The following CCDC188 variants were observed in gnomAD, a reference collection of about 807,000 sequenced individuals.
The protein encoded by CCDC188 is coiled-coil domain containing 188.
Under a neutral mutation model 50.7 loss-of-function variants are expected in CCDC188, and 37 were observed. The ratio of observed to expected loss-of-function variants is 0.73; its 90% CI spans 0.56 to 0.96. CCDC188 has a LOEUF of 0.96. Ranked by LOEUF, CCDC188 falls within the 40% of genes least tolerant of loss-of-function variation. CCDC188 has a pLI of 0.00. For synonymous variants in CCDC188, 208 were observed against 228.0 expected, an observed-to-expected ratio of 0.91 and a Z score of 0.79; for missense variants, 453 against 512.9, an observed-to-expected ratio of 0.88 and a Z score of 1.13.
Position 20,148,914 on chromosome 22 carries a change from G to A in CCDC188, c.983C>T (p.Pro328Leu). 6.6e-7 allele frequency: 1 copy of A among 1,514,178 alleles called. No individual in the cohort carries two copies. Among genetic ancestry groups the A allele is most frequent in the South Asian group, 1.3e-5 (1 of 79,704 alleles). 93.8% of individuals were successfully genotyped at this position (1,514,178 alleles called of 1,614,324 possible). The part of the protein sequence containing the change: ...KQMASMSKGR[P>L]KLGSSKGLAG... ...CAGGCCCTTGGAGCTTCCCAGCTTT[G>A]GCCTCCCTTTCTGTCGGGGAGGGGC... Residue 328 changes from proline (P) to leucine (L), a missense_variant, in exon 8 of 9, where the codon CCA becomes CTA. Coordinates refer to ENST00000439765, the MANE Select transcript of CCDC188 (RefSeq NM_001365892.2).
rs889767560 is a variant in CCDC188, at chr22:20,148,430, T to A, written c.*184A>T. On this transcript the variant is annotated 3_prime_UTR_variant, in exon 9 of 9. Transcript: ENST00000439765. ...CAGAGACGTGCTCACCGGCCACTTA[T>A]GTCATGATTCTATGTCCAGCCACAG... 7.8e-7 allele frequency: 1 copy of A among 1,288,960 alleles called. No homozygotes were observed. Among genetic ancestry groups the A allele is most frequent in the South Asian group, 2.4e-5 (1 of 41,452 alleles). 79.8% of individuals were successfully genotyped at this position (1,288,960 alleles called of 1,614,324 possible).
chr22:20,150,376 G>T (rs1160943896), intron 1 of CCDC188, 92 bp downstream of exon 1: 28 of 1,095,070 alleles, frequency 2.6e-5, no homozygotes, highest in Admixed American at 1.4e-4. Context: ...GGGCAGGGGC[G>T]CCAGGTGGTG....
At position 20,150,179 on chromosome 22, in the gene CCDC188, C is replaced by T; in HGVS notation, c.591G>A (p.Leu197=). The T allele has an allele frequency of 2.6e-6, 4 of 1,548,528 alleles. No individual in the cohort carries two copies. Among genetic ancestry groups the T allele is most frequent in the South Asian group, 1.2e-5 (1 of 83,940 alleles). The part of the protein sequence containing the change: ...LLGPGQQFLP[L]CPEHSSCTAL... ...CAGTGCAGCTTGAGTGTTCGGGACA[C>T]AGGGGCAGGAACTGCTGCCCCGGCC... The change falls in exon 2 of 9, where the codon CTG becomes CTA. Residue 197 remains leucine, a synonymous_variant. Transcript: ENST00000439765.
In CCDC188 at chr22:20,149,629, G is replaced by C. The variant is rs1406846973; in HGVS notation, c.801C>G (p.Asn267Lys). 5.8e-6 allele frequency: 9 copies of C among 1,550,084 alleles called. No individual in the cohort carries two copies. Among genetic ancestry groups the C allele is most frequent in the Non-Finnish European group, 6.1e-6 (7 of 1,146,870 alleles). The part of the protein sequence containing the change: ...KKMVITEVWD[N>K]VAEMHMALNN... ...TCAGGGCCATGTGCATCTCAGCCACGTTGTCCCACACCTAGGGGGAGGTGG... is the reference window on the plus strand; with the variant it reads ...TCAGGGCCATGTGCATCTCAGCCACCTTGTCCCACACCTAGGGGGAGGTGG... Residue 267 changes from asparagine (N) to lysine (K), a missense_variant, in exon 5 of 9, where the codon AAC (asparagine) becomes AAG (lysine). Transcript: ENST00000439765.
In CCDC188 at chr22:20,149,205, C is replaced by T. The variant is rs1188443648; in HGVS notation, c.954G>A (p.Lys318=). 3 of 1,470,090 alleles carry T rather than the reference C, an allele frequency of 2.0e-6. No homozygotes were observed. Among genetic ancestry groups the T allele is most frequent in the East Asian group, 2.5e-5 (1 of 40,184 alleles). 91.1% of individuals were successfully genotyped at this position (1,470,090 alleles called of 1,614,324 possible). Residue 318 remains lysine, a synonymous_variant, in exon 7 of 9, where the codon AAG becomes AAA. Transcript: ENST00000439765. ...AQCRTRARKE[K]QMASMSKGRP... Reference sequence around the variant, plus strand: ...GGCTCACCGACATGCTTGCCATCTGCTTCTCCTTCCTGGCTCGAGTGCGGC... The same window carrying T: ...GGCTCACCGACATGCTTGCCATCTGTTTCTCCTTCCTGGCTCGAGTGCGGC...
In CCDC188 at chr22:20,150,509, C is replaced by A; in HGVS notation, c.478G>T (p.Glu160Ter). The A allele has an allele frequency of 1.3e-6, 2 of 1,548,762 alleles. No homozygotes were observed. The highest frequency in any genetic ancestry group is 1.7e-6 in the Non-Finnish European group (2 of 1,146,692). Residue 160 changes from glutamate (E) to a stop codon, truncating the protein, a stop_gained, in exon 1 of 9, where the codon GAA becomes TAA. Transcript: ENST00000439765. LOFTEE classifies it high-confidence loss of function. The part of the protein sequence containing the change: ...QLQCGLLGSA[E>*]QSFLQLEQEN... ...TGCTCCAGCTGCAGGAAGGACTGTT[C>A]TGCAGAGCCCAGCAGCCCGCACTGA...
chr22:20,149,552 C>T (rs979755794), intron 5 of CCDC188, 29 bp downstream of exon 5: 6 of 1,550,158 alleles, frequency 3.9e-6, no homozygotes. Flanking sequence ...GGGCCCCGTC[C>T]TTCTGGGTGC....
In CCDC188 at chr22:20,150,663, G is replaced by C; in HGVS notation, c.324C>G (p.His108Gln). The change falls in exon 1 of 9, where the codon CAC becomes CAG. Residue 108 changes from histidine (H) to glutamine (Q), a missense_variant. Transcript: ENST00000439765. ...TGGGAGCCCCCTGGTTCGACCCTGG[G>C]TGCAGGGGCCAGCCCCACCCAAGCC... is the stretch of plus-strand genomic sequence containing the variant. The part of the protein sequence containing the change: ...EAGLGWGWPL[H>Q]PGSNQGAPRQ... 6.5e-7 allele frequency: 1 copy of C among 1,548,138 alleles called. No homozygotes were observed. Among genetic ancestry groups the C allele is most frequent in the Admixed American group, 2.0e-5 (1 of 50,894 alleles).
At chr22:20,148,972 A>G in intron 7 of CCDC188, 48 bp from the exon 8 acceptor site, 13 of 1,443,856 alleles carry the variant, frequency 9.0e-6, no homozygotes, top group Non-Finnish European at 9.1e-6. Flanking sequence ...GTCCAGGCTG[A>G]GGGCAGGGAT....
intron 7 of CCDC188, 25 bp from the exon 8 acceptor site, chr22:20,148,949 G>C: frequency 6.8e-7 from 1 of 1,472,942 alleles, no homozygotes; most frequent in Non-Finnish European, 9.0e-7. Context: ...CTGGATCAGA[G>C]CCCACCCCGA....
At chr22:20,149,311 G>T in intron 6 of CCDC188, 67 bp from the exon 7 acceptor site, 2 of 1,542,588 alleles carry the variant, frequency 1.3e-6, no homozygotes, top group South Asian at 2.4e-5. Context: ...CCCCTGGCTC[G>T]GTGCTGTGGA....
intron 1 of CCDC188, 89 bp downstream of exon 1, chr22:20,150,379 A>C: frequency 1.4e-6 from 1 of 690,326 alleles, no homozygotes; most frequent in Non-Finnish European, 1.9e-6. Flanking sequence ...CAGGGGCGCC[A>C]GGTGGTGGGT....
rs543717593 is a variant in CCDC188, at chr22:20,148,755, G to A, written c.1068C>T (p.Thr356=). The A allele has an allele frequency of 5.4e-6, 8 of 1,487,968 alleles. No individual in the cohort carries two copies. In the African/African-American group the frequency reaches 5.7e-5, roughly 11 times the overall value. 92.2% of individuals were successfully genotyped at this position (1,487,968 alleles called of 1,614,324 possible). The change falls in exon 9 of 9, where the codon ACC becomes ACT. Residue 356 remains threonine, a synonymous_variant. Coordinates refer to ENST00000439765, the MANE Select transcript of CCDC188 (RefSeq NM_001365892.2). The stretch of plus-strand genomic sequence containing the variant: ...GGTTCACCACGTACACGTAGGCAGC[G>A]GTCCAGACCAGCAGGGCGCCCAGCA... ...RLLLGALLVW[T]AAYVYVVNPT...
rs1209909817 is a variant in CCDC188, at chr22:20,148,746, G to C, written c.1077C>G (p.Tyr359Ter). The C allele has an allele frequency of 6.7e-7, 1 of 1,499,006 alleles. No homozygotes were observed. The highest frequency in any genetic ancestry group is 1.4e-5 in the African/African-American group (1 of 70,940). The allele number at this position is 1,499,006 out of a possible 1,614,324, so 92.9% of individuals were successfully genotyped here. A position where few individuals can be genotyped will look rare whatever the true frequency, so the allele number is the denominator to read the frequency against. ...AAGGTGTGGGGTTCACCACGTACAC[G>C]TAGGCAGCGGTCCAGACCAGCAGGG... ...LGALLVWTAA[Y>*]VYVVNPTPFE... Residue 359 changes from tyrosine to a stop codon, truncating the protein, a stop_gained, in exon 9 of 9, where the codon TAC (tyrosine) becomes TAG (stop). Transcript: ENST00000439765. LOFTEE classifies it high-confidence loss of function.
rs1255323263 is a variant in CCDC188 at position 20,149,237 on chromosome 22, C to T, written c.922G>A (p.Ala308Thr). ...DIQLEILRER[A>T]QCRTRARKEK... The stretch of plus-strand genomic sequence containing the variant: ...TTCCTGGCTCGAGTGCGGCACTGGG[C>T]CCGCTCCCTGCGGGGGCCTCACTGT... Residue 308 changes from alanine to threonine, a missense_variant, in exon 7 of 9, where the codon GCC (alanine) becomes ACC (threonine). By Grantham distance (58) the Ala-to-Thr change is moderately conservative. Transcript: ENST00000439765. 2 of 1,491,750 alleles carry T rather than the reference C, an allele frequency of 1.3e-6. No homozygotes were observed. The highest frequency in any genetic ancestry group is 1.4e-5 in the South Asian group (1 of 73,948). The allele number at this position is 1,491,750 out of a possible 1,614,324, so 92.4% of individuals were successfully genotyped here.
chr22:20,149,001 C>G, intron 7 of CCDC188, 77 bp from the exon 8 acceptor site: 4 of 1,409,492 alleles, frequency 2.8e-6, no homozygotes, highest in Non-Finnish European at 3.8e-6. Flanking sequence ...TTGGGAAACC[C>G]TCCTCAGACA....
Position 20,150,715 on chromosome 22 carries a change from C to A in CCDC188, c.272G>T (p.Gly91Val). 1 of 1,550,196 alleles carries A rather than the reference C, an allele frequency of 6.5e-7. No individual in the cohort carries two copies. Among genetic ancestry groups the A allele is most frequent in the Non-Finnish European group, 8.7e-7 (1 of 1,146,796 alleles). Residue 91 changes from glycine (G) to valine (V), a missense_variant, in exon 1 of 9, where the codon GGG becomes GTG. By Grantham distance (109) the Gly-to-Val change is moderately radical. Coordinates refer to ENST00000439765, the MANE Select transcript of CCDC188 (RefSeq NM_001365892.2). ...TGCCTCCAGGTCTCCTTGTCTCGGCCCCTCAGTGTCTCTCGCTCTCTGCTC... is the reference window on the plus strand; with the variant it reads ...TGCCTCCAGGTCTCCTTGTCTCGGCACCTCAGTGTCTCTCGCTCTCTGCTC... ...SQEQRARDTE[G>V]PRQGDLEAGL...
At position 20,150,729 on chromosome 22, in the gene CCDC188, C is replaced by T. The variant is rs1015354071; in HGVS notation, c.258G>A (p.Ala86=). The T allele has an allele frequency of 2.6e-5, 41 of 1,550,188 alleles. No homozygotes were observed. Among genetic ancestry groups the T allele is most frequent in the Non-Finnish European group, 2.9e-5 (33 of 1,146,820 alleles). ...CTTGTCTCGGCCCCTCAGTGTCTCT[C>T]GCTCTCTGCTCCTGGCTGGACAGAA... ...GLFLSSQEQR[A]RDTEGPRQGD... is the part of the protein sequence containing the mutation. Residue 86 remains alanine (A), a synonymous_variant, in exon 1 of 9, where the codon GCG becomes GCA. Transcript: ENST00000439765.
In CCDC188 at chr22:20,150,737, G is replaced by C. The variant is rs1375394982; in HGVS notation, c.250C>G (p.Gln84Glu). The C allele has an allele frequency of 6.5e-7, 1 of 1,550,048 alleles. No homozygotes were observed. The highest frequency in any genetic ancestry group is 1.4e-5 in the African/African-American group (1 of 73,008). The change falls in exon 1 of 9, where the codon CAG becomes GAG. Residue 84 changes from glutamine (Q) to glutamate (E), a missense_variant. Gln to Glu is a conservative substitution (Grantham distance 29). Coordinates refer to ENST00000439765, the MANE Select transcript of CCDC188 (RefSeq NM_001365892.2). The part of the protein sequence containing the change: ...APGLFLSSQE[Q>E]RARDTEGPRQ... Reference sequence around the variant, plus strand: ...GGCCCCTCAGTGTCTCTCGCTCTCTGCTCCTGGCTGGACAGAAAGAGCCCG... The same window carrying C: ...GGCCCCTCAGTGTCTCTCGCTCTCTCCTCCTGGCTGGACAGAAAGAGCCCG...
Sources: gnomAD v4.1 joint callset for allele counts on GRCh38, gnomAD v4.1.1 for gene constraint, MANE v1.5 for transcripts, NCBI Gene and HGNC (gene_info 2026-07-23, HGNC 2026-07-21) for gene names.